L3MBTL3: variants seen among roughly 807,000 people sequenced by gnomAD.
L3MBTL3 encodes the protein L3MBTL histone methyl-lysine binding protein 3, also known as lethal(3)malignant brain tumor-like protein 3.
Under a neutral mutation model 102.3 loss-of-function variants are expected in L3MBTL3, and 27 were observed. That is an observed-to-expected ratio of 0.26 (90% CI 0.19 to 0.36). L3MBTL3 has a LOEUF of 0.36. Among genes scored for constraint, L3MBTL3 ranks in the 10% least tolerant of loss-of-function variants. L3MBTL3 has a pLI of 1.00. For synonymous variants in L3MBTL3, 340 were observed against 320.9 expected, an observed-to-expected ratio of 1.06 and a Z score of -0.64; for missense variants, 798 against 955.3, an observed-to-expected ratio of 0.84 and a Z score of 2.17.
chr6:130,065,613 C>A (rs1345723533), intron 10 of L3MBTL3, among the ~76,000 whole-genome samples: 2 of 152,192 alleles, frequency 1.3e-5, no homozygotes, highest in Non-Finnish European at 2.9e-5. Context: ...GGGTAGAGGT[C>A]TGGCGTGATA....
chr6:130,045,987 G>A (rs976232740), intron 3 of L3MBTL3, among the ~76,000 whole-genome samples: 3 of 152,182 alleles, frequency 2.0e-5, no homozygotes, highest in Admixed American at 6.5e-5. Flanking sequence ...ATGCAAATTC[G>A]TATTTGTAGA....
At chr6:130,051,522 T>C (rs1781091464) in intron 6 of L3MBTL3, 114 bp downstream of exon 6, 1 of 947,734 alleles carries the variant, frequency 1.1e-6, no homozygotes, top group Admixed American at 2.3e-5. Flanking sequence ...GATACCTTTT[T>C]CCCAGAGACT....
In L3MBTL3 at chr6:130,055,240, G is replaced by T; in HGVS notation, c.652G>T (p.Ala218Ser). Reference sequence around the variant, plus strand: ...ACGGAGGAAAAGACGAGGGGATTCGGCTGTACTAAAGCAGGGTGAGCTGAT... The same window carrying T: ...ACGGAGGAAAAGACGAGGGGATTCGTCTGTACTAAAGCAGGGTGAGCTGAT... ...RARRKRRGDS[A>S]VLKQGLPPKG... Residue 218 changes from alanine to serine, a missense_variant, in exon 8 of 23, where the codon GCT (alanine) becomes TCT (serine). Ala to Ser is a moderately conservative substitution (Grantham distance 99). This residue lies in a region of L3MBTL3 where 434 missense variants were observed against 506.6 expected (regional missense o/e 0.86). Coordinates refer to ENST00000361794, the MANE Select transcript of L3MBTL3 (RefSeq NM_032438.4). 6.2e-7 allele frequency: 1 copy of T among 1,613,272 alleles called. No homozygotes were observed. The highest frequency in any genetic ancestry group is 8.5e-7 in the Non-Finnish European group (1 of 1,179,404).
intron 2 of L3MBTL3, among the ~76,000 whole-genome samples, chr6:130,037,905 G>C (rs573537445): frequency 6.6e-6 from 1 of 152,176 alleles, no homozygotes; most frequent in East Asian, 1.9e-4. Flanking sequence ...TTTTATACCA[G>C]TTAATCAACC....
chr6:130,022,185 A>G (rs937829779), intron 1 of L3MBTL3, 42 bp from the exon 2 acceptor site: 1 of 152,178 alleles, frequency 6.6e-6, no homozygotes, highest in Non-Finnish European at 1.5e-5. Flanking sequence ...TTTTGATGAC[A>G]GTGTTTTGAT....
intron 7 of L3MBTL3, among the ~76,000 whole-genome samples, chr6:130,053,433 A>G (rs1781232218): frequency 6.6e-6 from 1 of 152,142 alleles, no homozygotes; most frequent in Admixed American, 6.5e-5. Flanking sequence ...CGGGAGATCG[A>G]GACCATCCTG....
At chr6:130,064,697 A>G (rs1562279381) in intron 10 of L3MBTL3, among the ~76,000 whole-genome samples, 2 of 152,094 alleles carry the variant, frequency 1.3e-5, no homozygotes, top group Non-Finnish European at 2.9e-5. Context: ...TGGGAGGTAG[A>G]GTTGGGAACA....
intron 19 of L3MBTL3, among the ~76,000 whole-genome samples, chr6:130,116,171 A>G (rs1257305145): frequency 6.6e-6 from 1 of 152,220 alleles, no homozygotes; most frequent in African/African-American, 2.4e-5. Flanking sequence ...TTATCCTACA[A>G]TATAAGTAAT....
At chr6:130,108,937 A>G (rs867751786) in intron 19 of L3MBTL3, among the ~76,000 whole-genome samples, 1 of 151,594 alleles carries the variant, frequency 6.6e-6, no homozygotes, top group Non-Finnish European at 1.5e-5. Context: ...GCTCCCACTT[A>G]TGAGTGAGAA....
intron 13 of L3MBTL3, among the ~76,000 whole-genome samples, chr6:130,075,714 G>T (rs1400784832): frequency 1.3e-5 from 2 of 152,142 alleles, no homozygotes; most frequent in Non-Finnish European, 2.9e-5. Flanking sequence ...TTTTTAGGCA[G>T]AAGGCAGGAA....
Position 130,110,981 on chromosome 6 carries a change from T to C in L3MBTL3, c.1886+6406T>C, listed in dbSNP as rs534599763. Reference sequence around the variant, plus strand: ...TGGATGTAATTTCCCACTCAGATTTTAACAAATTTTCTTTGCATTTTTCTT... The same window carrying C: ...TGGATGTAATTTCCCACTCAGATTTCAACAAATTTTCTTTGCATTTTTCTT... On this transcript the variant is annotated intron_variant, in intron 19 of 22. Coordinates refer to ENST00000361794, the MANE Select transcript of L3MBTL3 (RefSeq NM_032438.4). Among the ~76,000 whole-genome samples, 65 of 152,364 alleles carry C rather than the reference T, an allele frequency of 4.3e-4. 1 individual carries two copies. The South Asian group carries it at 0.013, about 31-fold the overall frequency.
intron 2 of L3MBTL3, among the ~76,000 whole-genome samples, chr6:130,028,214 G>T (rs1214544954): frequency 6.6e-6 from 1 of 152,002 alleles, no homozygotes; most frequent in East Asian, 1.9e-4. Flanking sequence ...ATTTTGTAAA[G>T]GTTACCTTTG....
intron 3 of L3MBTL3, among the ~76,000 whole-genome samples, chr6:130,049,030 A>T (rs1334037747): frequency 6.6e-6 from 1 of 152,114 alleles, no homozygotes; most frequent in African/African-American, 2.4e-5. Context: ...GCTCTATAGG[A>T]CAGGGCAGAG....
chr6:130,053,874 G>A (rs1299710777), intron 7 of L3MBTL3, among the ~76,000 whole-genome samples: 5 of 152,196 alleles, frequency 3.3e-5, no homozygotes, highest in Non-Finnish European at 7.3e-5. Context: ...AGAATACAGG[G>A]ATGCATAAGA....
At chr6:130,108,237 T>TG (rs1460941423) in intron 19 of L3MBTL3, among the ~76,000 whole-genome samples, 58 of 138,654 alleles carry the variant, frequency 4.2e-4, no homozygotes, top group African/African-American at 1.4e-3. Flanking sequence ...TTTTGTTTTT[T>TG]TTTTTTTTTT....
intron 2 of L3MBTL3, among the ~76,000 whole-genome samples, chr6:130,026,451 C>G (rs756853306): frequency 1.3e-5 from 2 of 152,204 alleles, no homozygotes; most frequent in South Asian, 2.1e-4. Flanking sequence ...AATAGTAACA[C>G]ATAGAATATT....
chr6:130,070,262 A>C (rs938354224), intron 12 of L3MBTL3, among the ~76,000 whole-genome samples: 1 of 152,324 alleles, frequency 6.6e-6, no homozygotes, highest in Non-Finnish European at 1.5e-5. Flanking sequence ...GAGATTTTAT[A>C]TATTACTGTA....
At chr6:130,120,368 A>C (rs1341482176) in intron 19 of L3MBTL3, among the ~76,000 whole-genome samples, 1 of 152,174 alleles carries the variant, frequency 6.6e-6, no homozygotes, top group Non-Finnish European at 1.5e-5. Context: ...GGTCAGAAAG[A>C]GGTGAAATCA....
chr6:130,101,214 CA>C (rs1401309804), intron 18 of L3MBTL3, among the ~76,000 whole-genome samples: 1 of 152,056 alleles, frequency 6.6e-6, no homozygotes, highest in Non-Finnish European at 1.5e-5. Context: ...TTGTCATAAA[CA>C]GAGTCAGGAA....
Sources: allele counts gnomAD v4.1 joint callset (sites outside exome capture counted in the v4.1 genomes callset), GRCh38; gene constraint gnomAD v4.1.1; regional missense constraint gnomAD v4.1.1; transcripts MANE v1.5; gene names NCBI Gene and HGNC (gene_info 2026-07-23, HGNC 2026-07-21).